Variants in ST3GAL6 observed in about 807,000 individuals in gnomAD.
The protein encoded by ST3GAL6 is type 2 lactosamine alpha-2,3-sialyltransferase.
ST3GAL6 carries 31 observed loss-of-function variants against 40.5 expected under a neutral mutation model. The ratio of observed to expected loss-of-function variants is 0.77; its 90% CI spans 0.58 to 1.03. The LOEUF is 1.03. Among genes scored for constraint, ST3GAL6 ranks in the 50% least tolerant of loss-of-function variants. The pLI, the probability that ST3GAL6 is intolerant of heterozygous loss-of-function variation, is 0.00. For synonymous variants in ST3GAL6, 129 were observed against 136.9 expected (o/e 0.94, Z 0.40); for missense variants, 357 against 393.2 (o/e 0.91, Z 0.78).
chr3:98,743,904 C>G (rs1285753398), intron 1 of ST3GAL6, among the ~76,000 whole-genome samples: 1 of 148,630 alleles, frequency 6.7e-6, no homozygotes, highest in Non-Finnish European at 1.5e-5. Context: ...GCCCCCCTCC[C>G]CCCCCCGCTC....
In ST3GAL6 at chr3:98,788,090, C is replaced by A; in HGVS notation, c.486C>A (p.Thr162=). 6.2e-7 allele frequency: 1 copy of A among 1,613,954 alleles called. No individual in the cohort carries two copies. The highest frequency in any genetic ancestry group is 1.1e-5 in the South Asian group (1 of 91,058). Reference sequence around the variant, plus strand: ...AAGAAGAAGTTGGGAGAAGGACAACCTTCCGACTTTTTTATCCAGAATCTG... The same window carrying A: ...AAGAAGAAGTTGGGAGAAGGACAACATTCCGACTTTTTTATCCAGAATCTG... ...GHEEEVGRRT[T]FRLFYPESVF... is the part of the protein sequence containing the mutation. The change falls in exon 7 of 10, where the codon ACC becomes ACA. Residue 162 remains threonine, a synonymous_variant. Transcript: ENST00000483910.
chr3:98,745,819 T>C (rs567200229), intron 1 of ST3GAL6, among the ~76,000 whole-genome samples: 1 of 152,306 alleles, frequency 6.6e-6, no homozygotes, highest in East Asian at 1.9e-4. Flanking sequence ...TTTTATGTAA[T>C]TGAAAAAATA....
chr3:98,770,588 G>T, intron 2 of ST3GAL6: 1 of 274,742 alleles, frequency 3.6e-6, no homozygotes, highest in Non-Finnish European at 6.9e-6. Flanking sequence ...CTTCTACAAT[G>T]CAGTAATCCT....
intron 3 of ST3GAL6, among the ~76,000 whole-genome samples, chr3:98,771,903 A>G (rs931046155): frequency 6.0e-5 from 8 of 134,388 alleles, no homozygotes; most frequent in African/African-American, 2.0e-4. Flanking sequence ...ACATATTTAT[A>G]TAATAAGAAA....
chr3:98,756,050 G>A (rs1392504281), intron 1 of ST3GAL6, among the ~76,000 whole-genome samples: 5 of 152,162 alleles, frequency 3.3e-5, no homozygotes, highest in Non-Finnish European at 5.9e-5. Flanking sequence ...AGAGAAGCTG[G>A]AAAAGAAGAC....
intron 5 of ST3GAL6, among the ~76,000 whole-genome samples, chr3:98,775,550 T>C (rs976909529): frequency 6.6e-6 from 1 of 151,994 alleles, no homozygotes; most frequent in African/African-American, 2.4e-5. Context: ...CTTGACTCCA[T>C]ACATGCAAGC....
intron 1 of ST3GAL6, among the ~76,000 whole-genome samples, chr3:98,757,136 G>A (rs191260968): frequency 1.5e-3 from 227 of 152,256 alleles, no homozygotes; most frequent in African/African-American, 5.3e-3. Flanking sequence ...TGTCTACCAG[G>A]AATGAACTAC....
intron 5 of ST3GAL6, 67 bp downstream of exon 5, chr3:98,774,050 C>A: frequency 7.8e-7 from 1 of 1,274,958 alleles, no homozygotes; most frequent in Admixed American, 1.8e-5. Flanking sequence ...AATATGTACC[C>A]CAAGAAATGT....
Position 98,791,880 on chromosome 3 carries a change from T to C in ST3GAL6, c.796T>C (p.Leu266=), listed in dbSNP as rs772259774. 9 of 1,613,906 alleles carry C rather than the reference T, an allele frequency of 5.6e-6. No individual in the cohort carries two copies. Among genetic ancestry groups the C allele is most frequent in the East Asian group, 4.5e-5 (2 of 44,872 alleles). The change falls in exon 9 of 10, where the codon TTG becomes CTG. Residue 266 remains leucine (L), a synonymous_variant. Transcript: ENST00000483910. ...HPTTGIIAIT[L]AFYICHEVHL... ...AACAACAGGAATTATTGCCATCACATTGGCGTTTTACATATGTCACGAAGT... is the reference window on the plus strand; with the variant it reads ...AACAACAGGAATTATTGCCATCACACTGGCGTTTTACATATGTCACGAAGT...
intron 8 of ST3GAL6, among the ~76,000 whole-genome samples, chr3:98,789,796 C>A (rs1007491488): frequency 1.3e-5 from 2 of 152,148 alleles, no homozygotes; most frequent in Non-Finnish European, 2.9e-5. Flanking sequence ...TCTCTTGCTT[C>A]TTCATTTTAG....
chr3:98,752,862 A>G (rs1937127642), intron 1 of ST3GAL6, among the ~76,000 whole-genome samples: 1 of 152,052 alleles, frequency 6.6e-6, no homozygotes, highest in Admixed American at 6.6e-5. Flanking sequence ...ATAAATGTTT[A>G]TGTGTTCTGA....
intron 5 of ST3GAL6, among the ~76,000 whole-genome samples, chr3:98,783,910 G>A (rs1940429464): frequency 6.6e-6 from 1 of 152,256 alleles, no homozygotes; most frequent in Non-Finnish European, 1.5e-5. Context: ...GAATATAGGA[G>A]TGTGTACATC....
chr3:98,753,066 C>T (rs1045401645), intron 1 of ST3GAL6, among the ~76,000 whole-genome samples: 5 of 152,154 alleles, frequency 3.3e-5, no homozygotes, highest in African/African-American at 1.2e-4. Context: ...GTGAGGAAAG[C>T]CTGTTGAAAG....
At chr3:98,756,047 C>G (rs551171364) in intron 1 of ST3GAL6, among the ~76,000 whole-genome samples, 1 of 152,238 alleles carries the variant, frequency 6.6e-6, no homozygotes, top group South Asian at 2.1e-4. Context: ...TGGAGAGAAG[C>G]TGGAAAAGAA....
chr3:98,756,305 T>G (rs1937413373), intron 1 of ST3GAL6: 1 of 1,250,410 alleles, frequency 8.0e-7, no homozygotes, highest in Non-Finnish European at 1.0e-6. Context: ...TAAAAATGAC[T>G]TTACATTTTT....
At position 98,741,046 on chromosome 3, in the gene ST3GAL6, G is replaced by A. The variant is rs915258627; in HGVS notation, c.-12+8514G>A. On this transcript the variant is annotated intron_variant, in intron 1 of 9. Coordinates refer to the ST3GAL6 transcript ENST00000265261. The stretch of plus-strand genomic sequence containing the variant: ...GGGATCCATGGGCATATAGTAGAGG[G>A]ATTCAGTGTGTGTGTGTGTGTGTGT... 6.4e-5 allele frequency among the ~76,000 whole-genome samples: 9 copies of A among 140,882 alleles called. No homozygotes were observed. In the East Asian group the frequency reaches 7.9e-4, roughly 12 times the overall value. The allele number at this position is 140,882 out of a possible 152,430, so 92.4% of individuals were successfully genotyped here.
At chr3:98,756,653 A>G (rs1937442588) in intron 1 of ST3GAL6, 2 of 912,214 alleles carry the variant, frequency 2.2e-6, no homozygotes, top group South Asian at 2.3e-5. Flanking sequence ...CCCCTCTTCT[A>G]TGAATACAGG....
At chr3:98,782,675 C>T in intron 5 of ST3GAL6, 1 of 444,752 alleles carries the variant, frequency 2.2e-6, no homozygotes. Flanking sequence ...TTTGAGATAC[C>T]ATATTGCTGG....
chr3:98,783,620 C>G, intron 5 of ST3GAL6: 1 of 984,778 alleles, frequency 1.0e-6, no homozygotes, highest in Non-Finnish European at 1.2e-6. Flanking sequence ...ACAAACAGAC[C>G]CTTCTGGAAC....
Sources: allele counts gnomAD v4.1 joint callset (sites outside exome capture counted in the v4.1 genomes callset), GRCh38; gene constraint gnomAD v4.1.1; transcripts MANE v1.5; gene names NCBI Gene and HGNC (gene_info 2026-07-23, HGNC 2026-07-21).